The following FMO5 variants were observed in gnomAD, a reference collection of about 807,000 sequenced individuals.
The protein encoded by FMO5 is flavin containing dimethylaniline monoxygenase 5, also known as flavin-containing monooxygenase 5.
In FMO5, 51 loss-of-function variants were observed where a neutral mutation model predicts 43.6. The observed-to-expected ratio is 1.17, with a 90% CI of 0.93 to 1.48. FMO5 has a LOEUF of 1.48. FMO5 is among the 40% of genes most tolerant of loss of function. The probability of loss-of-function intolerance (pLI) is 0.00; values close to 1 mark genes in which losing one functional copy is unlikely to be tolerated. For missense variants in FMO5, 644 were observed against 643.0 expected (o/e 1.00, Z -0.02); for synonymous variants, 187 against 216.5 (o/e 0.86, Z 1.20).
rs147141528 is a variant in FMO5, at chr1:147,189,340, C to G, written c.1256+837G>C. 4.8e-4 allele frequency among the ~76,000 whole-genome samples: 73 copies of G among 150,956 alleles called. No individual in the cohort carries two copies. In the East Asian group the frequency reaches 0.013, roughly 27 times the overall value. On this transcript the variant is annotated intron_variant, in intron 8 of 8. Coordinates refer to ENST00000254090, the MANE Select transcript of FMO5 (RefSeq NM_001461.4). ...CAATGCAGAAGGCTTAGGGAGGCAGCAAAAGGTGAGAATTTAGAAAATTTA... is the reference window on the plus strand; with the variant it reads ...CAATGCAGAAGGCTTAGGGAGGCAGGAAAAGGTGAGAATTTAGAAAATTTA...
chr1:147,226,245 C>T (rs1472820694), upstream of FMO5, among the ~76,000 whole-genome samples: 2 of 151,894 alleles, frequency 1.3e-5, no homozygotes, highest in African/African-American at 4.8e-5. Context: ...CCCCGGCTCA[C>T]CTATACCTCT....
rs587688289 is a variant in FMO5 at position 147,189,152 on chromosome 1, T to C, written c.1256+1025A>G. The stretch of plus-strand genomic sequence containing the variant: ...AGCTGGGTTTGGTGGTGTGCACCTG[T>C]AGTCCTAGCTACTCAGGAGGCTGAG... On this transcript the variant is annotated intron_variant, in intron 8 of 8. Transcript: ENST00000254090. Among the ~76,000 whole-genome samples, 54 of 152,106 alleles carry C rather than the reference T, an allele frequency of 3.6e-4. 1 individual carries two copies. In the South Asian group the frequency reaches 6.6e-3, roughly 19 times the overall value.
At chr1:147,185,044 C>G (rs1553916763), downstream of FMO5, among the ~76,000 whole-genome samples, 1 of 151,824 alleles carries the variant, frequency 6.6e-6, no homozygotes, top group Non-Finnish European at 1.5e-5. Flanking sequence ...AATATAAGAA[C>G]AAGATATGGT....
downstream of FMO5, among the ~76,000 whole-genome samples, chr1:147,185,431 A>G (rs76805671): frequency 1.7e-3 from 255 of 152,304 alleles, 10 homozygotes; most frequent in East Asian, 0.045. Flanking sequence ...ATTTTAATAG[A>G]TGATAAATCT....
At chr1:147,195,443 T>G (rs1553919612) in intron 7 of FMO5, among the ~76,000 whole-genome samples, 1 of 152,112 alleles carries the variant, frequency 6.6e-6, no homozygotes, top group East Asian at 1.9e-4. Context: ...AAAATAAATC[T>G]TAATCACATT....
In FMO5 at chr1:147,186,721, G is replaced by A. The variant is rs1655675686; in HGVS notation, c.*179C>T. ...CGGATCATGAGTGGAAGGGAGATGA[G>A]TTAATACAAATGGAAAACAGGTTTC... On this transcript the variant is annotated 3_prime_UTR_variant, in exon 9 of 9. Coordinates refer to ENST00000254090, the MANE Select transcript of FMO5 (RefSeq NM_001461.4). 1 of 1,427,044 alleles carries A rather than the reference G, an allele frequency of 7.0e-7. No homozygotes were observed. Among genetic ancestry groups the A allele is most frequent in the South Asian group, 1.5e-5 (1 of 64,760 alleles). The allele number at this position is 1,427,044 out of a possible 1,614,324, so 88.4% of individuals were successfully genotyped here.
At chr1:147,224,623 C>G (rs1663675748) in intron 2 of FMO5, among the ~76,000 whole-genome samples, 1 of 152,098 alleles carries the variant, frequency 6.6e-6, no homozygotes, top group Non-Finnish European at 1.5e-5. Context: ...CATCCTCCTG[C>G]CTTAGCCTCC....
At chr1:147,212,877 T>C (rs1056866046) in intron 4 of FMO5, among the ~76,000 whole-genome samples, 4 of 152,144 alleles carry the variant, frequency 2.6e-5, no homozygotes, top group Non-Finnish European at 5.9e-5. Flanking sequence ...TTACAGCACA[T>C]ATATTCTTAT....
upstream of FMO5, among the ~76,000 whole-genome samples, chr1:147,226,535 A>G (rs149822726): frequency 4.6e-5 from 7 of 152,330 alleles, no homozygotes; most frequent in African/African-American, 1.7e-4. Flanking sequence ...AGTCATGTAG[A>G]ACCACCAATA....
Position 147,216,657 on chromosome 1 carries a change from G to A in FMO5, c.136-715C>T, listed in dbSNP as rs138537241. ...TATTCATAATACAAAAATGAGACAA[G>A]CTAAATGCCCAAAAAAACAACTGAA... On this transcript the variant is annotated intron_variant, in intron 2 of 8. Coordinates refer to ENST00000254090, the MANE Select transcript of FMO5 (RefSeq NM_001461.4). 2.8e-3 allele frequency among the ~76,000 whole-genome samples: 427 copies of A among 152,216 alleles called. 5 individuals carry two copies. The highest frequency in any genetic ancestry group is 0.023 in the Admixed American group (346 of 15,298).
At position 147,217,238 on chromosome 1, in the gene FMO5, T is replaced by TC. The variant is rs1448123816; in HGVS notation, c.136-1297_136-1296insG. The stretch of plus-strand genomic sequence containing the variant: ...TGGGCAACAAGAGCAAAACTCCGTC[T>TC]ACAAAAAAAAGAAAAAGAAAAAGAA... On this transcript the variant is annotated intron_variant, in intron 2 of 8. Transcript: ENST00000254090. Among the ~76,000 whole-genome samples the TC allele has an allele frequency of 3.9e-4, 59 of 150,490 alleles. 1 individual carries two copies. Among genetic ancestry groups the TC allele is most frequent in the East Asian group, 3.9e-3 (20 of 5,162 alleles).
chr1:147,194,055 G>A (rs1239527103), intron 7 of FMO5, among the ~76,000 whole-genome samples: 1 of 151,958 alleles, frequency 6.6e-6, no homozygotes, highest in Non-Finnish European at 1.5e-5. Flanking sequence ...CAATTCCTGG[G>A]TATCCTTGTT....
intron 7 of FMO5, among the ~76,000 whole-genome samples, chr1:147,195,087 A>G (rs587595847): frequency 6.6e-5 from 10 of 152,098 alleles, no homozygotes; most frequent in African/African-American, 2.2e-4. Context: ...CTCCTGGATA[A>G]TATCCTGCAG....
intron 2 of FMO5, 140 bp from the exon 3 acceptor site, chr1:147,216,082 T>G: frequency 1.6e-6 from 1 of 608,880 alleles, no homozygotes. Context: ...TGCCCTTATG[T>G]AGTCCCTTCC....
chr1:147,213,942 C>G (rs1202978921), intron 3 of FMO5, among the ~76,000 whole-genome samples: 1 of 152,102 alleles, frequency 6.6e-6, no homozygotes, highest in Admixed American at 6.6e-5. Flanking sequence ...GGTAGAAAAA[C>G]ACCTCAGTGG....
downstream of FMO5, chr1:147,184,657 C>A (rs1442392334): frequency 2.7e-6 from 4 of 1,493,158 alleles, no homozygotes; most frequent in African/African-American, 5.7e-5. The surrounding 1 kb of genome is among the most constrained non-coding windows in gnomAD (Gnocchi z 4.4). Flanking sequence ...GAGAGGAATA[C>A]AACAGAGAGG....
At chr1:147,184,440 G>C, downstream of FMO5, 3 of 1,388,388 alleles carry the variant, frequency 2.2e-6, no homozygotes, top group South Asian at 1.9e-5. The surrounding 1 kb of genome is among the most constrained non-coding windows in gnomAD (Gnocchi z 4.4). Context: ...TTTACTTAAA[G>C]TTCTTTTTCT....
At chr1:147,211,985 G>A (rs587658150) in intron 5 of FMO5, among the ~76,000 whole-genome samples, 7 of 152,298 alleles carry the variant, frequency 4.6e-5, no homozygotes, top group Admixed American at 2.6e-4. Context: ...ATGATCACGC[G>A]TGCTTTCCTT....
At chr1:147,192,302 GCT>G (rs1189228003) in intron 7 of FMO5, among the ~76,000 whole-genome samples, 1 of 151,836 alleles carries the variant, frequency 6.6e-6, no homozygotes. Context: ...TCATGATTTG[GCT>G]CTCTGTTTGT....
Sources: allele counts gnomAD v4.1 joint callset (sites outside exome capture counted in the v4.1 genomes callset), GRCh38; gene constraint gnomAD v4.1.1; non-coding constraint Gnocchi (gnomAD v3.1); transcripts MANE v1.5; gene names NCBI Gene and HGNC (gene_info 2026-07-23, HGNC 2026-07-21).